Variants in PMS1 observed in about 807,000 individuals in gnomAD.
PMS1 encodes PMS1 protein homolog 1.
A neutral mutation model predicts 93.1 loss-of-function variants in PMS1; 79 were observed. The observed-to-expected ratio is 0.85, with a 90% CI of 0.71 to 1.02. The LOEUF is 1.02. Ranked by LOEUF, PMS1 falls within the 50% of genes least tolerant of loss-of-function variation. PMS1 has a pLI of 0.00. For missense variants in PMS1, 1,064 were observed against 1,085.3 expected (o/e 0.98, Z 0.28); for synonymous variants, 335 against 363.4 (o/e 0.92, Z 0.89).
intron 6 of PMS1, among the ~76,000 whole-genome samples, chr2:189,848,154 C>T (rs1184469507): frequency 1.3e-5 from 2 of 152,144 alleles, no homozygotes; most frequent in Non-Finnish European, 2.9e-5. Flanking sequence ...CTGGATTCCT[C>T]GTAGCTTCGT....
intron 6 of PMS1, among the ~76,000 whole-genome samples, chr2:189,844,383 C>T (rs902518123): frequency 3.3e-5 from 5 of 152,112 alleles, no homozygotes; most frequent in Admixed American, 1.3e-4. Context: ...GTGACTCATG[C>T]CTGTAATTCC....
chr2:189,799,093 T>G (rs2049639013), intron 3 of PMS1, among the ~76,000 whole-genome samples: 1 of 152,210 alleles, frequency 6.6e-6, no homozygotes, highest in African/African-American at 2.4e-5. Context: ...GATAGGCAAG[T>G]TTATCATTTT....
intron 5 of PMS1, among the ~76,000 whole-genome samples, chr2:189,824,977 G>T (rs540699344): frequency 6.6e-5 from 10 of 151,154 alleles, no homozygotes; most frequent in African/African-American, 2.0e-4. Context: ...TTTTTGTAAA[G>T]AATTTTTTTG....
At chr2:189,796,863 C>T (rs1172363084) in intron 3 of PMS1, among the ~76,000 whole-genome samples, 1 of 144,408 alleles carries the variant, frequency 6.9e-6, no homozygotes, top group African/African-American at 2.7e-5. Context: ...GTTTGAGTCC[C>T]TGCTTTTACT....
At chr2:189,873,694 G>C (rs2057334520) in intron 12 of PMS1, 38 bp downstream of exon 12, 1 of 1,492,832 alleles carries the variant, frequency 6.7e-7, no homozygotes, top group African/African-American at 1.4e-5. Flanking sequence ...TGTATACAGG[G>C]GTCCCAACTC....
At chr2:189,788,455 G>A (rs74590453) in intron 1 of PMS1, among the ~76,000 whole-genome samples, 3,749 of 152,164 alleles carry the variant, frequency 0.025, 130 homozygotes, top group African/African-American at 0.082. Context: ...TATAGATTAG[G>A]TGATTGCATT....
chr2:189,827,539 A>G (rs961336494), intron 5 of PMS1, among the ~76,000 whole-genome samples: 2 of 152,248 alleles, frequency 1.3e-5, no homozygotes, highest in African/African-American at 4.8e-5. Context: ...AAGTTCTGCA[A>G]TAAACATGGT....
chr2:189,809,447 C>CTTTTTTTTTTTTTTTTTTT lies in PMS1; in HGVS notation c.418+3702_418+3720dup, dbSNP rs972672920. ...TTGGTGCTTTTAAGGAAGCACATTT[C>CTTTTTTTTTTTTTTTTTTT]TTTTTTTTTTTTTTTTTTTTTTTTT... On this transcript the variant is annotated intron_variant, in intron 4 of 12. Coordinates refer to ENST00000441310, the MANE Select transcript of PMS1 (RefSeq NM_000534.5). Among the ~76,000 whole-genome samples the CTTTTTTTTTTTTTTTTTTT allele has an allele frequency of 7.2e-4, 46 of 63,456 alleles. 7 individuals are homozygous for CTTTTTTTTTTTTTTTTTTT. The highest frequency in any genetic ancestry group is 9.8e-4 in the Non-Finnish European group (30 of 30,768). 41.6% of individuals were successfully genotyped at this position (63,456 alleles called of 152,430 possible).
chr2:189,829,577 C>T (rs998420095), intron 5 of PMS1, among the ~76,000 whole-genome samples: 6 of 152,122 alleles, frequency 3.9e-5, no homozygotes, highest in Non-Finnish European at 8.8e-5. Context: ...TTGACTAAAT[C>T]CTGATTAAAT....
At chr2:189,811,464 G>A (rs114746364) in intron 4 of PMS1, among the ~76,000 whole-genome samples, 7,567 of 151,892 alleles carry the variant, frequency 0.05, 193 homozygotes, top group African/African-American at 0.071. Flanking sequence ...GTGTTTTGGC[G>A]CATGCCTGTA....
intron 5 of PMS1, among the ~76,000 whole-genome samples, chr2:189,819,597 C>T (rs1490234714): frequency 4.6e-5 from 7 of 152,178 alleles, no homozygotes; most frequent in Non-Finnish European, 8.8e-5. Flanking sequence ...GATGATATCT[C>T]ATTGTGGTTT....
chr2:189,844,227 C>A, intron 6 of PMS1, 147 bp downstream of exon 6: 1 of 1,333,026 alleles, frequency 7.5e-7, no homozygotes, highest in Non-Finnish European at 1.0e-6. Flanking sequence ...CAATACAGAG[C>A]TTATGTTAAA....
intron 5 of PMS1, among the ~76,000 whole-genome samples, chr2:189,842,987 CATATAT>C: frequency 7.3e-6 from 1 of 136,620 alleles, no homozygotes; most frequent in East Asian, 2.0e-4. Flanking sequence ...TACACACACA[CATATAT>C]GTGTGTGTGT....
intron 3 of PMS1, among the ~76,000 whole-genome samples, chr2:189,801,971 T>G (rs1295117085): frequency 6.6e-6 from 1 of 152,236 alleles, no homozygotes; most frequent in Non-Finnish European, 1.5e-5. Context: ...TAAAATGTAA[T>G]AGCCATTCAT....
intron 6 of PMS1, among the ~76,000 whole-genome samples, chr2:189,848,571 TAA>T (rs983402933): frequency 6.6e-6 from 1 of 152,206 alleles, no homozygotes; most frequent in Admixed American, 6.5e-5. Flanking sequence ...TAGAATTGCA[TAA>T]AGAGTCCTAG....
intron 10 of PMS1, among the ~76,000 whole-genome samples, chr2:189,866,147 C>G (rs2056639922): frequency 1.3e-5 from 2 of 152,174 alleles, no homozygotes; most frequent in African/African-American, 4.8e-5. Flanking sequence ...TGGTGCTTTT[C>G]TCTTTCTTAC....
At position 189,852,791 on chromosome 2, in the gene PMS1, G is replaced by GAA; in HGVS notation, c.822+23_822+24dup. 1.5e-5 allele frequency: 22 copies of GAA among 1,459,660 alleles called. No individual in the cohort carries two copies. The highest frequency in any genetic ancestry group is 1.8e-5 in the Non-Finnish European group (19 of 1,061,112). 90.4% of individuals were successfully genotyped at this position (1,459,660 alleles called of 1,614,324 possible). ...GATATCTTAAAGGTAGTATGCTTTAGAAAAAAAAAATTATTTGAATTGGAA... is the reference window on the plus strand; with the variant it reads ...GATATCTTAAAGGTAGTATGCTTTAGAAAAAAAAAAAATTATTTGAATTGGAA... On this transcript the variant is annotated intron_variant, in intron 7 of 12. Transcript: ENST00000441310.
At chr2:189,796,610 G>A (rs997667959) in intron 3 of PMS1, among the ~76,000 whole-genome samples, 2 of 152,018 alleles carry the variant, frequency 1.3e-5, no homozygotes, top group Non-Finnish European at 2.9e-5. Context: ...ACATATAAGT[G>A]GACTCATAAA....
intron 5 of PMS1, among the ~76,000 whole-genome samples, chr2:189,821,417 A>G (rs1304008954): frequency 6.6e-6 from 1 of 151,056 alleles, no homozygotes; most frequent in Non-Finnish European, 1.5e-5. Flanking sequence ...AGATTGCGCC[A>G]CTGCACTCCA....
Sources: allele counts gnomAD v4.1 joint callset (sites outside exome capture counted in the v4.1 genomes callset), GRCh38; gene constraint gnomAD v4.1.1; transcripts MANE v1.5; gene names NCBI Gene and HGNC (gene_info 2026-07-23, HGNC 2026-07-21).